The following TYROBP variants were observed in gnomAD, a reference collection of about 807,000 sequenced individuals.
The protein encoded by TYROBP is TYRO protein tyrosine kinase-binding protein.
In TYROBP, 14 loss-of-function variants were observed where a neutral mutation model predicts 17.1. The observed-to-expected ratio is 0.82, with a 90% CI of 0.54 to 1.28. The LOEUF is 1.28. TYROBP is among the 50% of genes most tolerant of loss of function. TYROBP has a pLI of 0.00. For missense variants in TYROBP, 161 were observed against 151.4 expected, an observed-to-expected ratio of 1.06 and a Z score of -0.33; for synonymous variants, 73 against 67.4, an observed-to-expected ratio of 1.08 and a Z score of -0.41.
intron 4 of TYROBP, 81 bp from the exon 5 acceptor site, chr19:35,904,715 C>G: frequency 9.6e-6 from 12 of 1,244,866 alleles, no homozygotes; most frequent in Non-Finnish European, 1.3e-5. Context: ...AGGCCCCTGG[C>G]AGCTTCTTCA....
rs1195035458 is a variant in TYROBP at position 35,904,555 on chromosome 19, G to A, written c.*14C>T. 1 of 1,612,944 alleles carries A rather than the reference G, an allele frequency of 6.2e-7. No homozygotes were observed. Among genetic ancestry groups the A allele is most frequent in the Non-Finnish European group, 8.5e-7 (1 of 1,179,372 alleles). Reference sequence around the variant, plus strand: ...GGATCCAGGTATCATGTTGCTGACTGTCATGATTCGGGCTCATTTGTAATA... The same window carrying A: ...GGATCCAGGTATCATGTTGCTGACTATCATGATTCGGGCTCATTTGTAATA... On this transcript the variant is annotated 3_prime_UTR_variant, in exon 5 of 5. Coordinates refer to ENST00000262629, the MANE Select transcript of TYROBP (RefSeq NM_003332.4).
At chr19:35,905,730 G>A (rs1467743084) in intron 4 of TYROBP, among the ~76,000 whole-genome samples, 8 of 151,712 alleles carry the variant, frequency 5.3e-5, no homozygotes, top group Admixed American at 1.3e-4. Flanking sequence ...AAAGGTGGGC[G>A]GATCACGAGG....
intron 4 of TYROBP, 27 bp downstream of exon 4, chr19:35,907,191 G>A (rs1293159082): frequency 6.3e-7 from 1 of 1,588,286 alleles, no homozygotes; most frequent in Non-Finnish European, 8.6e-7. Context: ...GGAGTGAAAT[G>A]TGAGGAGGAC....
intron 1 of TYROBP, 69 bp downstream of exon 1, chr19:35,908,097 ACC>A: frequency 7.2e-7 from 1 of 1,386,290 alleles, no homozygotes; most frequent in Non-Finnish European, 1.0e-6. Context: ...CTCTCGTTCC[ACC>A]CCACTCCCTG....
intron 1 of TYROBP, 44 bp from the exon 2 acceptor site, chr19:35,907,806 G>T (rs753979118): frequency 6.2e-7 from 1 of 1,607,378 alleles, no homozygotes; most frequent in Admixed American, 1.7e-5. Flanking sequence ...GAGTTATGAC[G>T]GGGGTGGGGG....
At position 35,908,174 on chromosome 19, in the gene TYROBP, C is replaced by A; in HGVS notation, c.55G>T (p.Val19Leu). 2 of 1,613,890 alleles carry A rather than the reference C, an allele frequency of 1.2e-6. No individual in the cohort carries two copies. Among genetic ancestry groups the A allele is most frequent in the East Asian group, 2.2e-5 (1 of 44,868 alleles). The stretch of plus-strand genomic sequence containing the variant: ...ACGGAAGCCCCTAACTCACCACTTA[C>A]AGCCAGCAGGAGAGGCAGGAGCAGG... ...RLLLLPLLLAVSGLRPVQAQA... is the reference protein window; with the variant it reads ...RLLLLPLLLALSGLRPVQAQA... The change falls in exon 1 of 5, where the codon GTA becomes TTA. Residue 19 changes from valine (V) to leucine (L), a missense_variant. Coordinates refer to ENST00000262629, the MANE Select transcript of TYROBP (RefSeq NM_003332.4).
chr19:35,907,403 A>G, intron 3 of TYROBP, 43 bp downstream of exon 3: 24 of 984,280 alleles, frequency 2.4e-5, no homozygotes, highest in Non-Finnish European at 3.7e-5. Flanking sequence ...CCCCACCCCC[A>G]TCTAGGCAAG....
chr19:35,904,760 C>T, intron 4 of TYROBP, 126 bp from the exon 5 acceptor site: 1 of 815,336 alleles, frequency 1.2e-6, no homozygotes, highest in Non-Finnish European at 2.0e-6. Context: ...GGATTTTATT[C>T]AAGTACATTC....
intron 4 of TYROBP, 109 bp from the exon 5 acceptor site, chr19:35,904,743 G>C (rs1432949865): frequency 1.0e-6 from 1 of 967,044 alleles, no homozygotes; most frequent in Non-Finnish European, 1.6e-6. Flanking sequence ...AGCCATGAAA[G>C]AGATCCGGAT....
chr19:35,907,402 C>CCACA, intron 3 of TYROBP, 44 bp downstream of exon 3: 3 of 1,602,220 alleles, frequency 1.9e-6, no homozygotes, highest in Non-Finnish European at 2.6e-6. Flanking sequence ...CCCCCACCCC[C>CCACA]ATCTAGGCAA....
In TYROBP at chr19:35,907,844, G is replaced by A. The variant is rs1975769439; in HGVS notation, c.62-82C>T. The stretch of plus-strand genomic sequence containing the variant: ...GCAAGTTTAGAAGCCAGGGAAGGTG[G>A]ATCCTGACAGCCAAGAGGTTAGCAA... On this transcript the variant is annotated intron_variant, in intron 1 of 4. Coordinates refer to ENST00000262629, the MANE Select transcript of TYROBP (RefSeq NM_003332.4). The A allele has an allele frequency of 3.4e-6, 5 of 1,463,552 alleles. No individual in the cohort carries two copies. In the Admixed American group the frequency reaches 5.5e-5, roughly 16 times the overall value. The allele number at this position is 1,463,552 out of a possible 1,614,324, so 90.7% of individuals were successfully genotyped here. A position where few individuals can be genotyped will look rare whatever the true frequency, so the allele number is the denominator to read the frequency against.
intron 4 of TYROBP, among the ~76,000 whole-genome samples, chr19:35,906,046 G>A (rs570432958): frequency 1.8e-4 from 27 of 151,950 alleles, no homozygotes; most frequent in Admixed American, 5.9e-4. Context: ...CAAGATTTTC[G>A]GAGGCTGAGG....
rs552202104 is a variant in TYROBP, at chr19:35,907,268, G to A, written c.230-4C>T. 6.2e-7 allele frequency: 1 copy of A among 1,611,278 alleles called. No homozygotes were observed. Among genetic ancestry groups the A allele is most frequent in the Non-Finnish European group, 8.5e-7 (1 of 1,178,924 alleles). On this transcript the variant is annotated splice_polypyrimidine_tract_variant and splice_region_variant and intron_variant, in intron 3 of 4. Coordinates refer to ENST00000262629, the MANE Select transcript of TYROBP (RefSeq NM_003332.4). ...ATACGCTGTTTCCGGGTCGCTGCTG[G>A]AGGTGAGGGGTGTTGTGGGGTGCAG...
intron 4 of TYROBP, 67 bp from the exon 5 acceptor site, chr19:35,904,701 T>C: frequency 1.3e-6 from 2 of 1,488,062 alleles, no homozygotes; most frequent in South Asian, 2.3e-5. Context: ...CCCAGTGGCC[T>C]GCAAGGCCCC....
chr19:35,907,444 A>G lies in TYROBP; in HGVS notation c.229+2T>C. ...AGGATGTCCCCTGCTAGCCCCACTC[A>G]CCCTCCGCAGCCCCTCGCCCCCGAG... On this transcript the variant is annotated splice_donor_variant, in intron 3 of 4. Transcript: ENST00000262629. LOFTEE classifies it high-confidence loss of function. The G allele has an allele frequency of 6.2e-7, 1 of 1,606,684 alleles. No homozygotes were observed. Among genetic ancestry groups the G allele is most frequent in the South Asian group, 1.1e-5 (1 of 90,764 alleles).
Position 35,904,588 on chromosome 19 carries a change from T to C in TYROBP, c.323A>G (p.Gln108Arg). 6.2e-7 allele frequency: 1 copy of C among 1,613,772 alleles called. No homozygotes were observed. Among genetic ancestry groups the C allele is most frequent in the Non-Finnish European group, 8.5e-7 (1 of 1,179,916 alleles). Residue 108 changes from glutamine (Q) to arginine (R), a missense_variant, in exon 5 of 5, where the codon CAG (glutamine) becomes CGG (arginine). Coordinates refer to ENST00000262629, the MANE Select transcript of TYROBP (RefSeq NM_003332.4). The part of the protein sequence containing the change: ...RSDVYSDLNT[Q>R]RPYYK ...TCGGGCTCATTTGTAATACGGCCTC[T>C]GTGTGTTGAGGTCGCTGTAGACATC... is the stretch of plus-strand genomic sequence containing the variant.
chr19:35,907,585 AG>A lies in TYROBP; in HGVS notation c.95-6del, dbSNP rs1975760333. 6.2e-7 allele frequency: 1 copy of A among 1,614,040 alleles called. No individual in the cohort carries two copies. Among genetic ancestry groups the A allele is most frequent in the Admixed American group, 1.7e-5 (1 of 60,006 alleles). ...TCACCGTAGAGCAACTGCAATCTGC[AG>A]CACAGGGGTCAGGGGAGGTCAGTGT... is the stretch of plus-strand genomic sequence containing the variant. On this transcript the variant is annotated splice_polypyrimidine_tract_variant and splice_region_variant and intron_variant, in intron 2 of 4. Coordinates refer to ENST00000262629, the MANE Select transcript of TYROBP (RefSeq NM_003332.4).
rs1042857888 is a variant in TYROBP at position 35,907,633 on chromosome 19, G to C, written c.95-53C>G. 9 of 1,613,480 alleles carry C rather than the reference G, an allele frequency of 5.6e-6. No homozygotes were observed. The South Asian group carries it at 9.9e-5, about 18-fold the overall frequency. On this transcript the variant is annotated intron_variant, in intron 2 of 4. Coordinates refer to ENST00000262629, the MANE Select transcript of TYROBP (RefSeq NM_003332.4). The stretch of plus-strand genomic sequence containing the variant: ...GTGTGTGCTGGGAACTGTGGGGAGG[G>C]GGGTCAGCGGCAGGGAGGTTTGGAA...
Position 35,904,462 on chromosome 19 carries a change from TG to T in TYROBP, c.*106del. On this transcript the variant is annotated 3_prime_UTR_variant, in exon 5 of 5. Coordinates refer to ENST00000262629, the MANE Select transcript of TYROBP (RefSeq NM_003332.4). ...GGGGAGCGGTCTGGTCTCTCAGGGA[TG>T]GCACTCTGTGGGTCTGTATCGCGGT... is the stretch of plus-strand genomic sequence containing the variant. The T allele has an allele frequency of 8.6e-7, 1 of 1,166,466 alleles. No individual in the cohort carries two copies. Among genetic ancestry groups the T allele is most frequent in the Non-Finnish European group, 1.3e-6 (1 of 793,348 alleles). The allele number at this position is 1,166,466 out of a possible 1,614,324, so 72.3% of individuals were successfully genotyped here.
Sources: gnomAD v4.1 joint callset for allele counts (sites outside exome capture counted in the v4.1 genomes callset) on GRCh38, gnomAD v4.1.1 for gene constraint, MANE v1.5 for transcripts, NCBI Gene and HGNC (gene_info 2026-07-23, HGNC 2026-07-21) for gene names.